LARGE1: variants seen among roughly 807,000 people sequenced by gnomAD.
LARGE1 encodes the protein xylosyl- and glucuronyltransferase LARGE1.
Under a neutral mutation model 87.6 loss-of-function variants are expected in LARGE1, and 43 were observed. The ratio of observed to expected loss-of-function variants is 0.49; its 90% CI spans 0.38 to 0.63. The LOEUF (loss-of-function observed/expected upper bound fraction) is 0.63, where lower values mean the gene tolerates loss of function less well. LARGE1 is among the 30% of genes least tolerant of loss of function. The pLI, the probability that LARGE1 is intolerant of heterozygous loss-of-function variation, is 0.00. For missense variants in LARGE1, 802 were observed against 1,000.2 expected, an observed-to-expected ratio of 0.80 and a Z score of 2.67; for synonymous variants, 434 against 394.6, an observed-to-expected ratio of 1.10 and a Z score of -1.18.
intron 1 of LARGE1, among the ~76,000 whole-genome samples, chr22:33,915,521 C>T (rs1212162931): frequency 6.6e-6 from 1 of 151,954 alleles, no homozygotes; most frequent in Non-Finnish European, 1.5e-5. Flanking sequence ...AGGTGTAATT[C>T]ATGTACACAA....
chr22:33,315,983 T>A, intron 11 of LARGE1, 102 bp downstream of exon 11: 1 of 1,337,020 alleles, frequency 7.5e-7, no homozygotes, highest in Admixed American at 2.0e-5. Context: ...TCCTCCAATT[T>A]TAGCAGATGC....
intron 9 of LARGE1, among the ~76,000 whole-genome samples, chr22:33,381,419 G>A (rs1012209474): frequency 5.3e-5 from 8 of 152,094 alleles, no homozygotes; most frequent in African/African-American, 1.9e-4. Context: ...CCTCTGTGAG[G>A]AAGAATGAGA....
intron 4 of LARGE1, among the ~76,000 whole-genome samples, chr22:33,622,660 C>G (rs935459940): frequency 2.0e-5 from 3 of 152,208 alleles, no homozygotes; most frequent in African/African-American, 7.2e-5. Context: ...CCCGCTGCCA[C>G]TGGAATCTCT....
At chr22:33,600,122 G>A (rs765843024) in intron 5 of LARGE1, among the ~76,000 whole-genome samples, 22 of 152,146 alleles carry the variant, frequency 1.4e-4, no homozygotes, top group Non-Finnish European at 2.6e-4. Context: ...ATAAAGAAAC[G>A]TGAATTCCTG....
intron 7 of LARGE1, among the ~76,000 whole-genome samples, chr22:33,426,745 A>G (rs931959209): frequency 1.3e-5 from 2 of 152,140 alleles, no homozygotes; most frequent in African/African-American, 2.4e-5. Flanking sequence ...TCCGAGAGAA[A>G]TTCTTCCTCC....
chr22:33,364,215 C>T (rs183172807), intron 9 of LARGE1, among the ~76,000 whole-genome samples: 125 of 152,188 alleles, frequency 8.2e-4, no homozygotes, highest in South Asian at 3.7e-3. Flanking sequence ...CCACCACGCC[C>T]GGCTAATTTT....
At chr22:33,571,487 C>T (rs755572209) in intron 5 of LARGE1, among the ~76,000 whole-genome samples, 4 of 152,108 alleles carry the variant, frequency 2.6e-5, no homozygotes, top group Non-Finnish European at 4.4e-5. Flanking sequence ...AAAGCCATGT[C>T]TCAATGGTGA....
intron 3 of LARGE1, among the ~76,000 whole-genome samples, chr22:33,649,487 G>A (rs994142732): frequency 4.6e-5 from 7 of 152,138 alleles, no homozygotes; most frequent in Admixed American, 2.0e-4. Flanking sequence ...TGTACTAGGC[G>A]CTAGTCAAGC....
intron 1 of LARGE1, among the ~76,000 whole-genome samples, chr22:33,792,592 T>C (rs935008552): frequency 2.0e-5 from 3 of 152,228 alleles, no homozygotes; most frequent in South Asian, 2.1e-4. Flanking sequence ...GGGCAGGATA[T>C]TGGGGAATCA....
chr22:33,348,210 T>C (rs1208113730), intron 9 of LARGE1, among the ~76,000 whole-genome samples: 6 of 151,806 alleles, frequency 4.0e-5, no homozygotes, highest in Non-Finnish European at 5.9e-5. Flanking sequence ...GAGGTTGCGA[T>C]GAGCCAAGAT....
intron 11 of LARGE1, among the ~76,000 whole-genome samples, chr22:33,195,994 G>A (rs1304269910): frequency 2.6e-5 from 4 of 151,384 alleles, no homozygotes; most frequent in Admixed American, 6.6e-5. Context: ...TCCTGACCTC[G>A]TGGTCCGCCC....
chr22:33,191,021 C>A (rs1346567048), intron 11 of LARGE1, among the ~76,000 whole-genome samples: 12 of 152,190 alleles, frequency 7.9e-5, no homozygotes, highest in Non-Finnish European at 1.3e-4. Context: ...TTTTTAAACA[C>A]CTGTTTCCTT....
chr22:33,858,352 AAGAGAGTGCGGTTGC>A (rs1475950634), intron 1 of LARGE1, among the ~76,000 whole-genome samples: 19 of 152,194 alleles, frequency 1.2e-4, no homozygotes, highest in Non-Finnish European at 2.2e-4. Context: ...CCCGGACCAG[AAGAGAGTGCGGTTGC>A]AAGATTTAAC....
At chr22:33,349,438 C>A (rs1940144667) in intron 9 of LARGE1, among the ~76,000 whole-genome samples, 2 of 152,176 alleles carry the variant, frequency 1.3e-5, no homozygotes, top group Admixed American at 1.3e-4. Flanking sequence ...CGCTCCATTC[C>A]CACATGATTC....
intron 6 of LARGE1, among the ~76,000 whole-genome samples, chr22:33,531,955 T>C (rs1439351712): frequency 1.3e-5 from 2 of 152,234 alleles, no homozygotes; most frequent in Non-Finnish European, 2.9e-5. Context: ...AGGTGGGGAT[T>C]GCAAGGAGGC....
chr22:33,602,953 G>T (rs1185654562), intron 5 of LARGE1, among the ~76,000 whole-genome samples: 1 of 152,214 alleles, frequency 6.6e-6, no homozygotes, highest in Non-Finnish European at 1.5e-5. Flanking sequence ...CTCCCATGTT[G>T]CTTTTCCCCC....
intron 7 of LARGE1, among the ~76,000 whole-genome samples, chr22:33,409,539 C>T (rs761868183): frequency 6.6e-6 from 1 of 152,116 alleles, no homozygotes; most frequent in African/African-American, 2.4e-5. Context: ...GATTCTTTTA[C>T]CCACTGAAGC....
intron 6 of LARGE1, among the ~76,000 whole-genome samples, chr22:33,547,484 C>T (rs2077394207): frequency 6.6e-6 from 1 of 152,040 alleles, no homozygotes; most frequent in Non-Finnish European, 1.5e-5. Flanking sequence ...TTTGGGAACC[C>T]CTGGTCTAGA....
chr22:33,394,748 T>A (rs1404090111), intron 7 of LARGE1, among the ~76,000 whole-genome samples: 2 of 151,786 alleles, frequency 1.3e-5, no homozygotes, highest in African/African-American at 4.8e-5. Context: ...TGTGTGTATG[T>A]GTGTGTGTAT....
Sources: allele counts gnomAD v4.1 joint callset (sites outside exome capture counted in the v4.1 genomes callset), GRCh38; gene constraint gnomAD v4.1.1; transcripts MANE v1.5; gene names NCBI Gene and HGNC (gene_info 2026-07-23, HGNC 2026-07-21).